Variants in SLC35F3 observed in about 807,000 individuals in gnomAD.
The protein encoded by SLC35F3 is solute carrier family 35 member F3, also known as putative thiamine transporter SLC35F3.
Under a neutral mutation model 49.9 loss-of-function variants are expected in SLC35F3, and 25 were observed. The observed-to-expected ratio is 0.50, with a 90% CI of 0.37 to 0.70. SLC35F3 has a LOEUF of 0.70. SLC35F3 is among the 30% of genes least tolerant of loss of function. SLC35F3 has a pLI of 0.00. For missense variants in SLC35F3, 525 were observed against 639.8 expected, an observed-to-expected ratio of 0.82 and a Z score of 1.94; for synonymous variants, 275 against 265.4, an observed-to-expected ratio of 1.04 and a Z score of -0.35.
At position 234,231,476 on chromosome 1, in the gene SLC35F3, G is replaced by A; in HGVS notation, c.343G>A (p.Glu115Lys). The A allele has an allele frequency of 3.7e-6, 6 of 1,611,884 alleles. No individual in the cohort carries two copies. The highest frequency in any genetic ancestry group is 5.1e-6 in the Non-Finnish European group (6 of 1,178,940). Reference sequence around the variant, plus strand: ...GGAGGCCCAGGCACCGGCCGGGGTGGAGGCCGGCGGGAGAGCGAGTCGCCG... The same window carrying A: ...GGAGGCCCAGGCACCGGCCGGGGTGAAGGCCGGCGGGAGAGCGAGTCGCCG... ...PAEAQAPAGV[E>K]AGGRASRRCW... The change falls in exon 3 of 8, where the codon GAG (glutamate) becomes AAG (lysine). Residue 115 changes from glutamate to lysine, a missense_variant. Coordinates refer to ENST00000366618, the MANE Select transcript of SLC35F3 (RefSeq NM_173508.4). The surrounding 1 kb of genome is among the most constrained non-coding windows in gnomAD (Gnocchi z 5.4).
In SLC35F3 at chr1:234,046,384, G is replaced by A. The variant is rs565339791; in HGVS notation, c.283+140626G>A. ...TAATTTTCTGCTTTCTAGTGAGGGT[G>A]ACCATATTTTCATATTCAAGTGTCC... On this transcript the variant is annotated intron_variant, in intron 2 of 7. Transcript: ENST00000366618. The surrounding 1 kb of genome is among the most constrained non-coding windows in gnomAD (Gnocchi z 4.4). Among the ~76,000 whole-genome samples, 1 of 152,244 alleles carries A rather than the reference G, an allele frequency of 6.6e-6. No individual in the cohort carries two copies. Among genetic ancestry groups the A allele is most frequent in the East Asian group, 1.9e-4 (1 of 5,186 alleles).
At chr1:234,110,653 C>T (rs1169519261) in intron 2 of SLC35F3, among the ~76,000 whole-genome samples, 1 of 152,114 alleles carries the variant, frequency 6.6e-6, no homozygotes, top group African/African-American at 2.4e-5. Context: ...ATTTTTTGGA[C>T]AAATAACACA....
At chr1:234,282,832 CCTTT>C (rs1228854700) in intron 3 of SLC35F3, among the ~76,000 whole-genome samples, 2 of 152,172 alleles carry the variant, frequency 1.3e-5, no homozygotes, top group Non-Finnish European at 2.9e-5. Context: ...AGGCCACCAT[CCTTT>C]CTGACAGGCT....
intron 3 of SLC35F3, among the ~76,000 whole-genome samples, chr1:234,278,786 A>T (rs565212120): frequency 6.6e-6 from 1 of 152,230 alleles, no homozygotes; most frequent in Admixed American, 6.5e-5. Context: ...AGAGAGAGCA[A>T]GCTCTCTTTT....
At chr1:233,944,766 G>A (rs572784988) in intron 2 of SLC35F3, among the ~76,000 whole-genome samples, 1 of 152,308 alleles carries the variant, frequency 6.6e-6, no homozygotes, top group South Asian at 2.1e-4. Context: ...AATTTAAAGT[G>A]CCCTGCTTGT....
chr1:233,986,688 G>C (rs1370004829), intron 2 of SLC35F3, among the ~76,000 whole-genome samples: 14 of 151,924 alleles, frequency 9.2e-5, no homozygotes, highest in Admixed American at 9.2e-4. Flanking sequence ...TTTTGTATTT[G>C]TATCTTCCTA....
intron 3 of SLC35F3, among the ~76,000 whole-genome samples, chr1:234,240,279 G>A (rs1667533342): frequency 6.6e-6 from 1 of 152,058 alleles, no homozygotes; most frequent in South Asian, 2.1e-4. Flanking sequence ...AGACCAGCCT[G>A]GCCAACATGA....
chr1:234,130,411 C>A (rs573014546), intron 2 of SLC35F3, among the ~76,000 whole-genome samples: 2 of 149,736 alleles, frequency 1.3e-5, no homozygotes, highest in Non-Finnish European at 3.0e-5. Flanking sequence ...GAGGCCGAGG[C>A]GGGCAGATCA....
chr1:234,129,731 A>G (rs991454050), intron 2 of SLC35F3, among the ~76,000 whole-genome samples: 1 of 152,244 alleles, frequency 6.6e-6, no homozygotes, highest in South Asian at 2.1e-4. Flanking sequence ...AATAGATAAT[A>G]GAAAAGAATA....
chr1:234,214,527 C>G lies in SLC35F3; in HGVS notation c.284-16890C>G. 6.4e-7 allele frequency: 1 copy of G among 1,555,688 alleles called. No individual in the cohort carries two copies. The highest frequency in any genetic ancestry group is 8.7e-7 in the Non-Finnish European group (1 of 1,153,328). ...AAGAAGCACTCGGCCCGGGTGGCCC[C>G]GCTCAGCGCCTGCAACAGTCCGGTC... On this transcript the variant is annotated intron_variant, in intron 2 of 7. Coordinates refer to ENST00000366618, the MANE Select transcript of SLC35F3 (RefSeq NM_173508.4). This position sits in a 1 kb window ranked among gnomAD's most constrained non-coding sequence, Gnocchi z 8.0.
chr1:234,120,886 T>G (rs1210769294), intron 2 of SLC35F3, among the ~76,000 whole-genome samples: 2 of 152,350 alleles, frequency 1.3e-5, no homozygotes, highest in South Asian at 2.1e-4. Context: ...ATTTGCTAAA[T>G]CTAATCAATT....
chr1:234,171,922 A>G (rs1666405122), intron 2 of SLC35F3, among the ~76,000 whole-genome samples: 1 of 152,150 alleles, frequency 6.6e-6, no homozygotes, highest in African/African-American at 2.4e-5. Flanking sequence ...TGTAATTTTT[A>G]TATGGACTGT....
At chr1:234,272,960 C>G (rs1668133026) in intron 3 of SLC35F3, among the ~76,000 whole-genome samples, 1 of 152,194 alleles carries the variant, frequency 6.6e-6, no homozygotes, top group South Asian at 2.1e-4. Context: ...AGTCACAGCC[C>G]CTGGGGGCTT....
intron 2 of SLC35F3, among the ~76,000 whole-genome samples, chr1:233,933,908 G>T (rs1428090443): frequency 6.6e-6 from 1 of 152,162 alleles, no homozygotes; most frequent in African/African-American, 2.4e-5. Flanking sequence ...TCCCAGGAAG[G>T]ATGTTGCAGA....
chr1:234,155,227 T>G (rs980087919), intron 2 of SLC35F3, among the ~76,000 whole-genome samples: 6 of 152,188 alleles, frequency 3.9e-5, no homozygotes, highest in African/African-American at 1.4e-4. Context: ...GAGAATTGAT[T>G]TATCTGCTTT....
intron 3 of SLC35F3, among the ~76,000 whole-genome samples, chr1:234,243,702 T>A (rs1196340225): frequency 1.3e-5 from 2 of 152,138 alleles, no homozygotes; most frequent in Non-Finnish European, 2.9e-5. Context: ...CCGTTTGACT[T>A]TGCAAAACCA....
At chr1:234,101,115 C>T (rs113745090) in intron 2 of SLC35F3, among the ~76,000 whole-genome samples, 159 of 152,144 alleles carry the variant, frequency 1.0e-3, no homozygotes, top group Non-Finnish European at 1.7e-3. Context: ...AATTAGCTAA[C>T]TCCTCCTTGC....
intron 2 of SLC35F3, among the ~76,000 whole-genome samples, chr1:234,079,005 A>C (rs1264580079): frequency 2.0e-5 from 3 of 152,234 alleles, no homozygotes; most frequent in African/African-American, 7.2e-5. Flanking sequence ...AACAAGGGAC[A>C]CTGAAAAGCC....
At chr1:234,192,314 T>C (rs770253168) in intron 2 of SLC35F3, among the ~76,000 whole-genome samples, 1 of 152,162 alleles carries the variant, frequency 6.6e-6, no homozygotes, top group African/African-American at 2.4e-5. Flanking sequence ...AGTCAATAAA[T>C]GTAATACCAC....
Sources: gnomAD v4.1 joint callset for allele counts (sites outside exome capture counted in the v4.1 genomes callset) on GRCh38, gnomAD v4.1.1 for gene constraint, Gnocchi (gnomAD v3.1) non-coding constraint, MANE v1.5 for transcripts, NCBI Gene and HGNC (gene_info 2026-07-23, HGNC 2026-07-21) for gene names.